EPHA6: variants seen among roughly 807,000 people sequenced by gnomAD.
EPHA6 encodes the protein EPH receptor A6.
A neutral mutation model predicts 112.0 loss-of-function variants in EPHA6; 50 were observed. That is an observed-to-expected ratio of 0.45 (90% confidence interval 0.36 to 0.56). The LOEUF (loss-of-function observed/expected upper bound fraction) is 0.56. Among genes scored for constraint, EPHA6 ranks in the 20% least tolerant of loss-of-function variants. The pLI, the probability that EPHA6 is intolerant of heterozygous loss-of-function variation, is 0.00. For synonymous variants in EPHA6, 529 were observed against 490.7 expected, an observed-to-expected ratio of 1.08 and a Z score of -1.03; for missense variants, 1,280 against 1,417.4, an observed-to-expected ratio of 0.90 and a Z score of 1.56.
At chr3:96,945,660 C>T (rs115790389) in intron 2 of EPHA6, among the ~76,000 whole-genome samples, 1,594 of 151,670 alleles carry the variant, frequency 0.011, 25 homozygotes, top group African/African-American at 0.036. Context: ...GCATTTAGTG[C>T]GGCACATTAA....
intron 11 of EPHA6, among the ~76,000 whole-genome samples, chr3:97,549,097 G>C (rs1211477192): frequency 1.3e-5 from 2 of 152,160 alleles, no homozygotes; most frequent in Non-Finnish European, 2.9e-5. Flanking sequence ...AAATGACTAT[G>C]TTACTGGTTT....
chr3:97,251,437 G>C (rs920501372), intron 5 of EPHA6, among the ~76,000 whole-genome samples: 2 of 151,970 alleles, frequency 1.3e-5, no homozygotes, highest in Non-Finnish European at 2.9e-5. Flanking sequence ...GGCTGAATCA[G>C]GAGAATGGCC....
At chr3:96,851,452 G>T (rs1274880448) in intron 1 of EPHA6, among the ~76,000 whole-genome samples, 1 of 152,076 alleles carries the variant, frequency 6.6e-6, no homozygotes, top group East Asian at 1.9e-4. Flanking sequence ...TTCTCATCTG[G>T]ACTCTTAGAA....
intron 5 of EPHA6, among the ~76,000 whole-genome samples, chr3:97,396,813 G>A (rs936110582): frequency 6.6e-6 from 1 of 151,598 alleles, no homozygotes; most frequent in Non-Finnish European, 1.5e-5. Context: ...TAAAAATATT[G>A]TCTTGAGAGC....
chr3:97,276,688 A>G (rs1254161624), intron 5 of EPHA6, among the ~76,000 whole-genome samples: 1 of 152,170 alleles, frequency 6.6e-6, no homozygotes, highest in Non-Finnish European at 1.5e-5. Flanking sequence ...AATAAAATGT[A>G]TATTGAGAAT....
At chr3:97,612,782 A>G (rs1346234904) in intron 13 of EPHA6, among the ~76,000 whole-genome samples, 8 of 151,922 alleles carry the variant, frequency 5.3e-5, no homozygotes, top group Admixed American at 5.3e-4. Flanking sequence ...ACCTCTGTTT[A>G]CTCATCTATA....
intron 3 of EPHA6, among the ~76,000 whole-genome samples, chr3:97,007,032 C>T (rs772054982): frequency 2.6e-5 from 4 of 151,992 alleles, no homozygotes; most frequent in East Asian, 1.9e-4. Flanking sequence ...ATTATGTGGT[C>T]GATTTTAGAA....
At chr3:97,481,523 G>A in intron 9 of EPHA6, 1 of 909,458 alleles carries the variant, frequency 1.1e-6, no homozygotes, top group Non-Finnish European at 1.8e-6. Flanking sequence ...GCGGGGCTAA[G>A]TGCAGGCCCG....
intron 1 of EPHA6, among the ~76,000 whole-genome samples, chr3:96,850,711 AGTT>A (rs59381833): frequency 0.019 from 2,873 of 152,186 alleles, 104 homozygotes; most frequent in African/African-American, 0.065. Context: ...AAAAGAACAG[AGTT>A]GTATGAATTT....
At chr3:97,254,226 T>C (rs1247831750) in intron 5 of EPHA6, among the ~76,000 whole-genome samples, 1 of 152,198 alleles carries the variant, frequency 6.6e-6, no homozygotes, top group African/African-American at 2.4e-5. Flanking sequence ...TCTTGCCCTG[T>C]CGCCCAGGCT....
At chr3:97,389,207 T>A (rs774913780) in intron 5 of EPHA6, among the ~76,000 whole-genome samples, 11 of 152,172 alleles carry the variant, frequency 7.2e-5, no homozygotes, top group Non-Finnish European at 1.3e-4. Context: ...GCAAATGATA[T>A]AATTCTAAAA....
At chr3:97,078,678 C>T (rs1008781975) in intron 3 of EPHA6, among the ~76,000 whole-genome samples, 5 of 152,056 alleles carry the variant, frequency 3.3e-5, no homozygotes, top group African/African-American at 4.8e-5. Context: ...TTGTTTTTGT[C>T]GGGTTTGTCA....
At chr3:97,441,401 A>G (rs751163326) in intron 6 of EPHA6, 1 of 952,546 alleles carries the variant, frequency 1.0e-6, no homozygotes, top group Non-Finnish European at 1.3e-6. Context: ...TTCACATTTT[A>G]AAAACAAAAT....
chr3:96,976,891 T>A (rs1182660728), intron 2 of EPHA6, among the ~76,000 whole-genome samples: 4 of 152,198 alleles, frequency 2.6e-5, no homozygotes, highest in African/African-American at 9.7e-5. Flanking sequence ...CCAAAGGATG[T>A]ACTGTGACAC....
At chr3:97,221,758 G>C (rs2078207625) in intron 3 of EPHA6, among the ~76,000 whole-genome samples, 1 of 152,058 alleles carries the variant, frequency 6.6e-6, no homozygotes, top group Admixed American at 6.5e-5. Context: ...AAGGCTGGGT[G>C]CGGTGGCTCA....
Position 97,698,739 on chromosome 3 carries a change from T to C in EPHA6, c.2785-21522T>C, listed in dbSNP as rs2033194325. Among the ~76,000 whole-genome samples the C allele has an allele frequency of 2.0e-5, 3 of 152,338 alleles. No individual in the cohort carries two copies. The South Asian group carries it at 6.2e-4, about 32-fold the overall frequency. ...ATCGGGCATGTGGCCCTCGACAATTTTCCTGCTCTTTCTGACCTTCATTTT... is the reference window on the plus strand; with the variant it reads ...ATCGGGCATGTGGCCCTCGACAATTCTCCTGCTCTTTCTGACCTTCATTTT... On this transcript the variant is annotated intron_variant, in intron 14 of 17. Transcript: ENST00000389672.
At chr3:97,345,322 T>C (rs1288341177) in intron 5 of EPHA6, among the ~76,000 whole-genome samples, 1 of 152,036 alleles carries the variant, frequency 6.6e-6, no homozygotes, top group Non-Finnish European at 1.5e-5. Context: ...CATGGAGAAA[T>C]TGAGATGCAA....
chr3:96,903,537 TTACTA>T (rs2038738132), intron 2 of EPHA6, among the ~76,000 whole-genome samples: 1 of 152,176 alleles, frequency 6.6e-6, no homozygotes, highest in South Asian at 2.1e-4. Context: ...ACTTTAAACT[TTACTA>T]TAAAGTTTGT....
chr3:96,971,367 G>A (rs1195382902), intron 2 of EPHA6, among the ~76,000 whole-genome samples: 1 of 152,054 alleles, frequency 6.6e-6, no homozygotes, highest in African/African-American at 2.4e-5. Context: ...TATCTTTGTA[G>A]TGTTAATAAA....
Sources: allele counts gnomAD v4.1 joint callset (sites outside exome capture counted in the v4.1 genomes callset), GRCh38; gene constraint gnomAD v4.1.1; transcripts MANE v1.5; gene names NCBI Gene and HGNC (gene_info 2026-07-23, HGNC 2026-07-21).